The following PAFAH1B1 variants were observed in gnomAD, a reference collection of about 807,000 sequenced individuals.
The protein encoded by PAFAH1B1 is platelet activating factor acetylhydrolase 1b regulatory subunit 1, also known as platelet-activating factor acetylhydrolase IB subunit beta.
PAFAH1B1 carries 2 observed loss-of-function variants against 57.5 expected under a neutral mutation model. That is an observed-to-expected ratio of 0.03 (90% CI 0.01 to 0.11). The LOEUF is 0.11. Ranked by LOEUF, PAFAH1B1 falls within the 10% of genes least tolerant of loss-of-function variation. The probability of loss-of-function intolerance (pLI) is 1.00; values close to 1 mark genes in which losing one functional copy is unlikely to be tolerated. For synonymous variants in PAFAH1B1, 152 were observed against 169.6 expected (o/e 0.90, Z 0.81); for missense variants, 257 against 512.0 (o/e 0.50, Z 4.81).
intron 1 of PAFAH1B1, among the ~76,000 whole-genome samples, chr17:2,596,156 CT>C (rs1466132762): frequency 6.6e-6 from 1 of 152,008 alleles, no homozygotes; most frequent in East Asian, 1.9e-4. Context: ...CACTTATTGT[CT>C]CCTTATTTGT....
chr17:2,677,108 G>A (rs1011760629), intron 9 of PAFAH1B1, among the ~76,000 whole-genome samples: 1 of 152,122 alleles, frequency 6.6e-6, no homozygotes, highest in African/African-American at 2.4e-5. Context: ...AGCCGAGATT[G>A]TGCCACTGCA....
chr17:2,649,282 ACT>A (rs2068816800), intron 2 of PAFAH1B1, among the ~76,000 whole-genome samples: 1 of 151,174 alleles, frequency 6.6e-6, no homozygotes, highest in African/African-American at 2.4e-5. Flanking sequence ...ACAAAAATAA[ACT>A]CTTCCTGGCC....
intron 1 of PAFAH1B1, among the ~76,000 whole-genome samples, chr17:2,625,395 C>T (rs917140843): frequency 1.3e-5 from 2 of 152,098 alleles, no homozygotes; most frequent in African/African-American, 4.8e-5. Context: ...GATTTGTGAA[C>T]CCCCTTAAAA....
At chr17:2,643,850 G>A (rs1437848098) in intron 2 of PAFAH1B1, among the ~76,000 whole-genome samples, 2 of 151,864 alleles carry the variant, frequency 1.3e-5, no homozygotes, top group South Asian at 2.1e-4. Context: ...GTGAGCCACC[G>A]TGCCCGGCCC....
At chr17:2,609,793 A>G (rs1436248673) in intron 1 of PAFAH1B1, among the ~76,000 whole-genome samples, 2 of 152,068 alleles carry the variant, frequency 1.3e-5, no homozygotes, top group Non-Finnish European at 2.9e-5. Flanking sequence ...TACAGGCATG[A>G]GCCACCGCGC....
At chr17:2,605,683 T>C (rs191763932) in intron 1 of PAFAH1B1, among the ~76,000 whole-genome samples, 13 of 152,320 alleles carry the variant, frequency 8.5e-5, no homozygotes, top group Non-Finnish European at 4.4e-5. Flanking sequence ...TCTTTTCTAA[T>C]TTTTTCCACC....
chr17:2,610,441 GTAGTTTAT>G (rs2068254671), intron 1 of PAFAH1B1, among the ~76,000 whole-genome samples: 1 of 152,130 alleles, frequency 6.6e-6, no homozygotes, highest in African/African-American at 2.4e-5. Context: ...GAAAAACTTG[GTAGTTTAT>G]TTTTTTACAG....
chr17:2,653,439 T>C (rs576382751), intron 2 of PAFAH1B1, among the ~76,000 whole-genome samples: 1 of 152,094 alleles, frequency 6.6e-6, no homozygotes, highest in African/African-American at 2.4e-5. Context: ...AAGATTTGGG[T>C]ACTTTTTGCC....
At chr17:2,648,423 T>C (rs2151642218) in intron 2 of PAFAH1B1, among the ~76,000 whole-genome samples, 1 of 152,128 alleles carries the variant, frequency 6.6e-6, no homozygotes, top group Non-Finnish European at 1.5e-5. Flanking sequence ...ACACCTGTAA[T>C]CCCAGCACTT....
At chr17:2,601,448 T>C (rs982003817) in intron 1 of PAFAH1B1, among the ~76,000 whole-genome samples, 2 of 149,466 alleles carry the variant, frequency 1.3e-5, no homozygotes, top group African/African-American at 5.0e-5. Context: ...TGGCTAATTT[T>C]TGTTTTTTGA....
chr17:2,622,942 G>A lies in PAFAH1B1; in HGVS notation c.-190-15157G>A, dbSNP rs187041738. Among the ~76,000 whole-genome samples, 826 of 152,362 alleles carry A rather than the reference G, an allele frequency of 5.4e-3. 6 individuals are homozygous for A. Among genetic ancestry groups the A allele is most frequent in the South Asian group, 0.016 (79 of 4,826 alleles). ...CTCAACACCACGTGGAAGCTGCCAAGGCTTGGGGCTTCCACCCTCTGAAGC... is the reference window on the plus strand; with the variant it reads ...CTCAACACCACGTGGAAGCTGCCAAAGCTTGGGGCTTCCACCCTCTGAAGC... On this transcript the variant is annotated intron_variant, in intron 1 of 10. Coordinates refer to ENST00000397195, the MANE Select transcript of PAFAH1B1 (RefSeq NM_000430.4).
intron 1 of PAFAH1B1, among the ~76,000 whole-genome samples, chr17:2,601,061 C>CTA (rs1305943054): frequency 1.3e-5 from 2 of 152,098 alleles, no homozygotes; most frequent in Admixed American, 1.3e-4. Flanking sequence ...TGAGGAAAGG[C>CTA]TATACATTTA....
intron 1 of PAFAH1B1, among the ~76,000 whole-genome samples, chr17:2,607,611 G>C (rs2068220690): frequency 6.6e-6 from 1 of 151,498 alleles, no homozygotes; most frequent in Admixed American, 6.6e-5. Context: ...AGCCACCCGA[G>C]TAGTTGGGAT....
chr17:2,617,051 C>T (rs1194866829), intron 1 of PAFAH1B1, among the ~76,000 whole-genome samples: 2 of 151,792 alleles, frequency 1.3e-5, no homozygotes, highest in African/African-American at 2.4e-5. Flanking sequence ...CCAGCCTGGG[C>T]GACAGAACGA....
rs576107620 is a variant in PAFAH1B1, at chr17:2,650,399, C to CTACTCAG, written c.32+12080_32+12086dup. Among the ~76,000 whole-genome samples, 33 of 152,028 alleles carry CTACTCAG rather than the reference C, an allele frequency of 2.2e-4. No individual in the cohort carries two copies. The East Asian group carries it at 4.6e-3, about 21-fold the overall frequency. On this transcript the variant is annotated intron_variant, in intron 2 of 10. Transcript: ENST00000397195. ...TGGCGGTGTGCACCTGTAATCCCAG[C>CTACTCAG]TACTCAGGAGGCTGAGACAGGAGAA...
upstream of PAFAH1B1, chr17:2,593,651 G>A (rs1170012138): frequency 3.8e-6 from 1 of 264,790 alleles, no homozygotes; most frequent in Non-Finnish European, 6.9e-6. Flanking sequence ...CAGCTCCTGT[G>A]ACAGACGGAG....
chr17:2,631,668 G>A (rs1378380850), intron 1 of PAFAH1B1, among the ~76,000 whole-genome samples: 1 of 152,146 alleles, frequency 6.6e-6, no homozygotes, highest in Non-Finnish European at 1.5e-5. Flanking sequence ...TCTCACTTCT[G>A]CAGTTGGGAC....
intron 2 of PAFAH1B1, among the ~76,000 whole-genome samples, chr17:2,645,684 G>C (rs1399642901): frequency 6.6e-6 from 1 of 150,598 alleles, no homozygotes; most frequent in African/African-American, 2.4e-5. Context: ...CACGATCTCA[G>C]CTCACTGCAA....
intron 2 of PAFAH1B1, among the ~76,000 whole-genome samples, chr17:2,654,722 GC>G (rs905632511): frequency 1.1e-4 from 17 of 152,040 alleles, no homozygotes; most frequent in Admixed American, 1.0e-3. Context: ...GTTCACTGCA[GC>G]CTCCGCCTCC....
Sources: gnomAD v4.1 joint callset for allele counts (sites outside exome capture counted in the v4.1 genomes callset) on GRCh38, gnomAD v4.1.1 for gene constraint, MANE v1.5 for transcripts, NCBI Gene and HGNC (gene_info 2026-07-23, HGNC 2026-07-21) for gene names.